C2CD3: variants seen among roughly 807,000 people sequenced by gnomAD.
The protein encoded by C2CD3 is C2 domain-containing protein 3.
Under a neutral mutation model 234.0 loss-of-function variants are expected in C2CD3, and 148 were observed. That is an observed-to-expected ratio of 0.63 (90% CI 0.55 to 0.72). The LOEUF (loss-of-function observed/expected upper bound fraction) is 0.72, where lower values mean the gene tolerates loss of function less well. Among genes scored for constraint, C2CD3 ranks in the 30% least tolerant of loss-of-function variants. The probability of loss-of-function intolerance (pLI) is 0.00; values close to 1 mark genes in which losing one functional copy is unlikely to be tolerated. For missense variants in C2CD3, 2,577 were observed against 2,811.5 expected, an observed-to-expected ratio of 0.92 and a Z score of 1.89; for synonymous variants, 1,000 against 1,035.4, an observed-to-expected ratio of 0.97 and a Z score of 0.66.
intron 25 of C2CD3, among the ~76,000 whole-genome samples, chr11:74,056,309 T>C (rs1410203749): frequency 1.3e-5 from 2 of 152,220 alleles, no homozygotes; most frequent in African/African-American, 4.8e-5. Flanking sequence ...ATCATAACAT[T>C]GCATCACATT....
At chr11:74,051,448 G>A (rs757804974) in intron 26 of C2CD3, among the ~76,000 whole-genome samples, 7 of 152,124 alleles carry the variant, frequency 4.6e-5, no homozygotes, top group Non-Finnish European at 7.4e-5. Flanking sequence ...AAGGTAGTAC[G>A]TCCTAAACAT....
intron 3 of C2CD3, among the ~76,000 whole-genome samples, chr11:74,152,953 C>T (rs1384599457): frequency 6.6e-6 from 1 of 152,182 alleles, no homozygotes; most frequent in Non-Finnish European, 1.5e-5. Context: ...AGATGCCAGA[C>T]ATGATGGCTC....
At chr11:74,121,717 T>G (rs892955974) in intron 8 of C2CD3, among the ~76,000 whole-genome samples, 1 of 152,022 alleles carries the variant, frequency 6.6e-6, no homozygotes, top group Non-Finnish European at 1.5e-5. Context: ...CCCCCCCAAG[T>G]ATTTAATAAA....
At chr11:74,134,458 G>A (rs544529618) in intron 5 of C2CD3, among the ~76,000 whole-genome samples, 1 of 152,302 alleles carries the variant, frequency 6.6e-6, no homozygotes, top group South Asian at 2.1e-4. Flanking sequence ...TGAGGTGATA[G>A]TGTGCTATAA....
At chr11:74,085,142 A>ATTT (rs397943793) in intron 21 of C2CD3, among the ~76,000 whole-genome samples, 172 bp from the exon 22 acceptor site, 2 of 139,400 alleles carry the variant, frequency 1.4e-5, no homozygotes. Context: ...GAATGCCTTC[A>ATTT]TTTTTTTTTT....
rs1404327405 is a variant in C2CD3, at chr11:74,098,108, C to T, written c.2880G>A (p.Met960Ile). The change falls in exon 16 of 33, where the codon ATG becomes ATA. Residue 960 changes from methionine to isoleucine, a missense_variant. Met to Ile is a conservative substitution (Grantham distance 10, BLOSUM62 1). Transcript: ENST00000334126. ...CTTCATTCTTTAATCTTTGTAGTGC[C>T]ATTATTTGATTTGAAGAACCCATAG... ...FLAMGSSNQIMALQRLKNEEG... is the reference protein window; with the variant it reads ...FLAMGSSNQIIALQRLKNEEG... 7 of 1,613,984 alleles carry T rather than the reference C, an allele frequency of 4.3e-6. No individual in the cohort carries two copies. The highest frequency in any genetic ancestry group is 5.1e-6 in the Non-Finnish European group (6 of 1,179,932).
intron 22 of C2CD3, among the ~76,000 whole-genome samples, chr11:74,081,676 T>A (rs1955377575): frequency 6.6e-6 from 1 of 152,164 alleles, no homozygotes; most frequent in Non-Finnish European, 1.5e-5. Flanking sequence ...AGGATGATAG[T>A]ATAATGTCTT....
chr11:74,145,449 TC>T (rs1855115389), intron 3 of C2CD3, among the ~76,000 whole-genome samples: 1 of 152,204 alleles, frequency 6.6e-6, no homozygotes, highest in South Asian at 2.1e-4. Flanking sequence ...CCTTATAGAT[TC>T]TGGATATTAG....
chr11:74,105,860 G>C (rs1481697313), intron 13 of C2CD3, among the ~76,000 whole-genome samples: 1 of 152,144 alleles, frequency 6.6e-6, no homozygotes, highest in Non-Finnish European at 1.5e-5. Flanking sequence ...ATGGAAATCA[G>C]ATGATGTCAG....
chr11:74,033,790 T>C lies in C2CD3; in HGVS notation c.6370A>G (p.Met2124Val). ...SPGPFCREEL[M>V]VKSSFLSSPE... ...CTGGAGAGAAAGCTACTTTTGACCA[T>C]AAGCTCCTCTCTGCAGAAAGGCCCT... Residue 2124 changes from methionine to valine, a missense_variant, in exon 31 of 33, where the codon ATG (methionine) becomes GTG (valine). By Grantham distance (21) the Met-to-Val change is conservative. Coordinates refer to ENST00000334126, the MANE Select transcript of C2CD3 (RefSeq NM_001286577.2). 1.3e-6 allele frequency: 2 copies of C among 1,536,298 alleles called. No homozygotes were observed. The highest frequency in any genetic ancestry group is 1.7e-6 in the Non-Finnish European group (2 of 1,146,932).
chr11:74,113,541 G>T (rs1216558492), intron 11 of C2CD3: 1 of 460,974 alleles, frequency 2.2e-6, no homozygotes, highest in Non-Finnish European at 4.0e-6. Flanking sequence ...TTAGCTGGGT[G>T]TGGTGGCATA....
chr11:74,071,861 T>C (rs1405615031), intron 24 of C2CD3, among the ~76,000 whole-genome samples: 2 of 152,222 alleles, frequency 1.3e-5, no homozygotes, highest in Non-Finnish European at 2.9e-5. Context: ...CAATAAATTA[T>C]TATAAAATTT....
chr11:74,132,885 G>A lies in C2CD3; in HGVS notation c.1176C>T (p.Asp392=), dbSNP rs1957722430. The change falls in exon 7 of 33, where the codon GAC becomes GAT. Residue 392 remains aspartate (D), a synonymous_variant. Transcript: ENST00000334126. ...GTATAGCTCTGGTATCAGCTTTTGT[G>A]TCATGTCTCCAAAATGTATTCTCAG... is the stretch of plus-strand genomic sequence containing the variant. ...PSTENTFWRH[D]TKADTRAIQL... is the part of the protein sequence containing the mutation. 6.2e-7 allele frequency: 1 copy of A among 1,613,704 alleles called. No homozygotes were observed. The highest frequency in any genetic ancestry group is 8.5e-7 in the Non-Finnish European group (1 of 1,179,768).
intron 24 of C2CD3, among the ~76,000 whole-genome samples, chr11:74,061,286 A>C (rs1390593045): frequency 6.6e-6 from 1 of 152,192 alleles, no homozygotes; most frequent in East Asian, 1.9e-4. Flanking sequence ...TGCCACAAAG[A>C]TACTCCTCGA....
At chr11:74,146,710 CCACACACACA>C (rs141560536) in intron 3 of C2CD3, among the ~76,000 whole-genome samples, 28 of 84,998 alleles carry the variant, frequency 3.3e-4, no homozygotes, top group African/African-American at 1.7e-3. Flanking sequence ...AAAAGTCAAA[CCACACACACA>C]CACACACACA....
intron 12 of C2CD3, chr11:74,108,293 T>C (rs1407833885): frequency 1.3e-5 from 2 of 152,258 alleles, no homozygotes; most frequent in East Asian, 1.9e-4. Flanking sequence ...TATTTTGCTA[T>C]AATTTTTCAA....
intron 26 of C2CD3, among the ~76,000 whole-genome samples, chr11:74,051,299 A>G (rs1953672364): frequency 6.7e-6 from 1 of 149,504 alleles, no homozygotes. Context: ...TGTCTCAAAA[A>G]AGAAAAAAAA....
intron 11 of C2CD3, among the ~76,000 whole-genome samples, chr11:74,111,045 T>A (rs544942891): frequency 2.0e-5 from 3 of 152,224 alleles, no homozygotes; most frequent in South Asian, 4.1e-4. Context: ...ACAACAATAA[T>A]GTTTAAGAAG....
chr11:74,111,840 G>C (rs1385962952), intron 11 of C2CD3, among the ~76,000 whole-genome samples: 1 of 150,572 alleles, frequency 6.6e-6, no homozygotes, highest in African/African-American at 2.4e-5. Context: ...TTTTATGTGT[G>C]GCCCAAGACA....
Sources: allele counts gnomAD v4.1 joint callset (sites outside exome capture counted in the v4.1 genomes callset), GRCh38; gene constraint gnomAD v4.1.1; transcripts MANE v1.5; gene names NCBI Gene and HGNC (gene_info 2026-07-23, HGNC 2026-07-21).